SAP130: variants seen among roughly 807,000 people sequenced by gnomAD.
SAP130 encodes Sin3A associated protein 130.
A neutral mutation model predicts 103.2 loss-of-function variants in SAP130; 16 were observed. That is an observed-to-expected ratio of 0.16 (90% CI 0.10 to 0.24). The LOEUF is 0.24. Ranked by LOEUF, SAP130 falls within the 10% of genes least tolerant of loss-of-function variation. SAP130 has a pLI of 1.00. For missense variants in SAP130, 990 were observed against 1,359.7 expected (o/e 0.73, Z 4.28); for synonymous variants, 477 against 497.0 (o/e 0.96, Z 0.53).
intron 18 of SAP130, among the ~76,000 whole-genome samples, chr2:127,947,711 C>T (rs1170488804): frequency 2.0e-5 from 3 of 149,172 alleles, no homozygotes; most frequent in African/African-American, 7.4e-5. Context: ...GCCACTCCTG[C>T]TTTTCTGTAA....
Position 127,981,294 on chromosome 2 carries a change from C to T in SAP130, c.1959-3205G>A, listed in dbSNP as rs1479967041. On this transcript the variant is annotated intron_variant, in intron 14 of 20. Transcript: ENST00000643581. ...CTGTACCCGACTCAGCACTCCCACC[C>T]TGACCCAGTCCTCCTGCACCCCCAA... Among the ~76,000 whole-genome samples, 3 of 151,382 alleles carry T rather than the reference C, an allele frequency of 2.0e-5. No homozygotes were observed. The East Asian group carries it at 5.9e-4, about 30-fold the overall frequency.
rs569229419 is a variant in SAP130, at chr2:128,013,157, GA to G, written c.620-4del. On this transcript the variant is annotated splice_region_variant and splice_polypyrimidine_tract_variant and intron_variant, in intron 5 of 20. Coordinates refer to ENST00000643581, the MANE Select transcript of SAP130 (RefSeq NM_001330301.2). ...CATCACAGCAGCAGCAGCTGCACCT[GA>G]AAAAAAAAAAGTGTTTATTATATTT... 96,867 of 1,195,860 alleles carry G rather than the reference GA, an allele frequency of 0.081. 1,945 individuals carry two copies. Among genetic ancestry groups the G allele is most frequent in the Non-Finnish European group, 0.089 (78,680 of 882,128 alleles). The allele number at this position is 1,195,860 out of a possible 1,614,324, so 74.1% of individuals were successfully genotyped here. A position where few individuals can be genotyped will look rare whatever the true frequency, so the allele number is the denominator to read the frequency against.
chr2:128,002,392 G>A (rs1368795602), intron 7 of SAP130, among the ~76,000 whole-genome samples: 9 of 152,060 alleles, frequency 5.9e-5, no homozygotes, highest in African/African-American at 1.4e-4. Context: ...AACCGGGTGC[G>A]GTGGTACGTG....
At chr2:127,977,834 A>C in intron 15 of SAP130, 151 bp downstream of exon 15, 1 of 629,978 alleles carries the variant, frequency 1.6e-6, no homozygotes, top group Non-Finnish European at 2.8e-6. Flanking sequence ...GTGTGTTACA[A>C]TTTTCTATGA....
In SAP130 at chr2:127,955,160, G is replaced by C; in HGVS notation, c.2248C>G (p.Leu750Val). The change falls in exon 16 of 21, where the codon CTT (leucine) becomes GTT (valine). Residue 750 changes from leucine (L) to valine (V), a missense_variant. Coordinates refer to ENST00000643581, the MANE Select transcript of SAP130 (RefSeq NM_001330301.2). The surrounding 1 kb of genome is among the most constrained non-coding windows in gnomAD (Gnocchi z 4.9). ...ASPPSQPAVA[L>V]STIPGAVPIT... ...GGGACCGCTCCAGGAATGGTTGAAA[G>C]GGCAACGGCTGGTTGTGACGGGGGA... 1 of 1,614,182 alleles carries C rather than the reference G, an allele frequency of 6.2e-7. No homozygotes were observed. The highest frequency in any genetic ancestry group is 2.2e-5 in the East Asian group (1 of 44,872).
intron 15 of SAP130, among the ~76,000 whole-genome samples, chr2:127,959,487 T>C (rs981837823): frequency 6.6e-6 from 1 of 152,240 alleles, no homozygotes; most frequent in Non-Finnish European, 1.5e-5. Flanking sequence ...ACTACTCATG[T>C]GGTATCATCA....
intron 5 of SAP130, among the ~76,000 whole-genome samples, chr2:128,014,487 C>A (rs868250632): frequency 2.0e-5 from 3 of 152,248 alleles, no homozygotes; most frequent in Middle Eastern, 6.8e-3. Context: ...CAGACGCATG[C>A]CACCACACCT....
chr2:127,950,578 C>G (rs903832128), intron 16 of SAP130, among the ~76,000 whole-genome samples, 170 bp from the exon 17 acceptor site: 1 of 152,258 alleles, frequency 6.6e-6, no homozygotes, highest in Admixed American at 6.5e-5. Context: ...AAGCTGCAAA[C>G]TCCTCCCTTA....
chr2:127,967,308 G>A (rs1041289371), intron 15 of SAP130, among the ~76,000 whole-genome samples: 7 of 152,150 alleles, frequency 4.6e-5, no homozygotes, highest in African/African-American at 7.2e-5. Context: ...ATAAACCTTC[G>A]CACATCAAAG....
chr2:127,977,860 G>C, intron 15 of SAP130, 125 bp downstream of exon 15: 1 of 713,064 alleles, frequency 1.4e-6, no homozygotes, highest in Non-Finnish European at 2.4e-6. Flanking sequence ...GCTGAGAATA[G>C]CCACTGCACT....
intron 16 of SAP130, among the ~76,000 whole-genome samples, chr2:127,954,469 C>T (rs1679695639): frequency 6.6e-6 from 1 of 151,822 alleles, no homozygotes; most frequent in Admixed American, 6.5e-5. Context: ...AAGAAAACCT[C>T]TCAAGTGACT....
Position 127,996,318 on chromosome 2 carries a change from TGAGG to T in SAP130, c.1355+28_1355+31del. On this transcript the variant is annotated intron_variant, in intron 11 of 20. Transcript: ENST00000643581. This position sits in a 1 kb window ranked among gnomAD's most constrained non-coding sequence, Gnocchi z 4.3. ...TAAAGCAGAACGATTAATGACACAG[TGAGG>T]CAGAATAACTGACACACAGCCTCCT... 1 of 1,547,086 alleles carries T rather than the reference TGAGG, an allele frequency of 6.5e-7. No homozygotes were observed. Among genetic ancestry groups the T allele is most frequent in the Non-Finnish European group, 8.8e-7 (1 of 1,142,854 alleles).
chr2:127,978,258 C>T (rs1423217980), intron 14 of SAP130, among the ~76,000 whole-genome samples, 169 bp from the exon 15 acceptor site: 1 of 151,742 alleles, frequency 6.6e-6, no homozygotes, highest in Non-Finnish European at 1.5e-5. Context: ...GACACATTAC[C>T]AAAAAACTCA....
At position 127,950,185 on chromosome 2, in the gene SAP130, G is replaced by T; in HGVS notation, c.2646C>A (p.Arg882=). 6.2e-7 allele frequency: 1 copy of T among 1,614,192 alleles called. No individual in the cohort carries two copies. Among genetic ancestry groups the T allele is most frequent in the Non-Finnish European group, 8.5e-7 (1 of 1,180,036 alleles). ...AKSLLVKAEK[R]KSPPKEYIDE... ...CAATATACTCCTTGGGAGGAGACTT[G>T]CGCTTCTCAGCCTTCACCAGAAGAC... Residue 882 remains arginine (R), a synonymous_variant, in exon 17 of 21, where the codon CGC becomes CGA. Coordinates refer to ENST00000643581, the MANE Select transcript of SAP130 (RefSeq NM_001330301.2).
At chr2:128,001,140 G>T (rs1573793559) in intron 7 of SAP130, among the ~76,000 whole-genome samples, 1 of 152,270 alleles carries the variant, frequency 6.6e-6, no homozygotes, top group South Asian at 2.1e-4. Context: ...GGCTGCCTCA[G>T]GATTGGAAGG....
At chr2:128,010,168 A>G in intron 7 of SAP130, 101 bp downstream of exon 7, 2 of 1,312,964 alleles carry the variant, frequency 1.5e-6, no homozygotes, top group East Asian at 4.7e-5. Flanking sequence ...TAAAAAAAAA[A>G]AGCCACTCAA....
intron 15 of SAP130, among the ~76,000 whole-genome samples, chr2:127,959,842 T>A (rs1251413030): frequency 6.6e-6 from 1 of 152,146 alleles, no homozygotes; most frequent in Non-Finnish European, 1.5e-5. Flanking sequence ...ACCCCAAAGT[T>A]ATAAAAATTT....
Position 128,013,128 on chromosome 2 carries a change from T to G in SAP130, c.646A>C (p.Ser216Arg), listed in dbSNP as rs199971441. 3 of 1,610,562 alleles carry G rather than the reference T, an allele frequency of 1.9e-6. No homozygotes were observed. Among genetic ancestry groups the G allele is most frequent in the Non-Finnish European group, 2.5e-6 (3 of 1,178,668 alleles). The change falls in exon 6 of 21, where the codon AGT becomes CGT. Residue 216 changes from serine (S) to arginine (R), a missense_variant. By Grantham distance (110) the Ser-to-Arg change is moderately radical (BLOSUM62 -1). Transcript: ENST00000643581. ...RGAAAAAVMS[S>R]SKVTTVLRPT... ...CTCAGGACTGTGGTTACTTTAGAAC[T>G]GGACATCACAGCAGCAGCAGCTGCA...
In SAP130 at chr2:127,960,997, T is replaced by C. The variant is rs2013061; in HGVS notation, c.2064-5653A>G. ...ATGTTTTTTCTTTCTTTCTTTCTTT[T>C]TTTTTTTTTTTTGAGACAGGGTCTG... On this transcript the variant is annotated intron_variant, in intron 15 of 20. Coordinates refer to ENST00000643581, the MANE Select transcript of SAP130 (RefSeq NM_001330301.2). Among the ~76,000 whole-genome samples the C allele has an allele frequency of 7.8e-3, 1,173 of 150,560 alleles. 17 individuals are homozygous for C. The highest frequency in any genetic ancestry group is 0.026 in the African/African-American group (1,052 of 41,106).
Sources: gnomAD v4.1 joint callset for allele counts (sites outside exome capture counted in the v4.1 genomes callset) on GRCh38, gnomAD v4.1.1 for gene constraint, Gnocchi (gnomAD v3.1) non-coding constraint, MANE v1.5 for transcripts, NCBI Gene and HGNC (gene_info 2026-07-23, HGNC 2026-07-21) for gene names.